The following KCTD1 variants were observed in gnomAD, a reference collection of about 807,000 sequenced individuals.
The protein encoded by KCTD1 is potassium channel tetramerization domain containing 1.
In KCTD1, 24 loss-of-function variants were observed where a neutral mutation model predicts 66.0. That is an observed-to-expected ratio of 0.36 (90% CI 0.26 to 0.51). KCTD1 has a LOEUF of 0.51. Ranked by LOEUF, KCTD1 falls within the 20% of genes least tolerant of loss-of-function variation. KCTD1 has a pLI of 0.95. For missense variants in KCTD1, 943 were observed against 1,205.2 expected, an observed-to-expected ratio of 0.78 and a Z score of 3.22; for synonymous variants, 511 against 517.2, an observed-to-expected ratio of 0.99 and a Z score of 0.16.
At chr18:26,511,691 T>C (rs983501768) in intron 1 of KCTD1, among the ~76,000 whole-genome samples, 13 of 152,258 alleles carry the variant, frequency 8.5e-5, no homozygotes, top group African/African-American at 3.1e-4. Flanking sequence ...TTTACTGTGA[T>C]ATTTTACATG....
chr18:26,568,625 G>C (rs375149954), intron 1 of KCTD1, among the ~76,000 whole-genome samples: 1 of 152,004 alleles, frequency 6.6e-6, no homozygotes, highest in East Asian at 1.9e-4. Flanking sequence ...TATAATCATT[G>C]CATCTAAAAC....
In KCTD1 at chr18:26,459,716, G is replaced by A. The variant is rs552719569; in HGVS notation, c.2343C>T (p.Asp781=). The A allele has an allele frequency of 9.9e-6, 16 of 1,614,070 alleles. No individual in the cohort carries two copies. The highest frequency in any genetic ancestry group is 2.7e-5 in the African/African-American group (2 of 75,020). Residue 781 remains aspartate, a synonymous_variant, in exon 4 of 5, where the codon GAC becomes GAT. Coordinates refer to ENST00000580059, the MANE Select transcript of KCTD1 (RefSeq NM_001142730.3). ...LIEEVFPEIG[D]VMCNSVNAGW... ...CTGCATTGACAGAGTTACACATCAC[G>A]TCGCCGATCTCTGGAAATACTTCTT...
At chr18:26,494,895 A>G (rs1266830077) in intron 2 of KCTD1, among the ~76,000 whole-genome samples, 2 of 152,086 alleles carry the variant, frequency 1.3e-5, no homozygotes, top group African/African-American at 2.4e-5. Context: ...CAGCAGGGAT[A>G]TGCTCTCTTT....
rs867824914 is a variant in KCTD1, at chr18:26,576,964, T to C, written c.-16+52183A>G. On this transcript the variant is annotated intron_variant, in intron 1 of 4. Transcript: ENST00000317932. ...GAAGTAAACACTTTGTAACCATGCC[T>C]AGTTTTAGTACTTTTGGTGGTTATC... Among the ~76,000 whole-genome samples the C allele has an allele frequency of 2.0e-5, 3 of 152,234 alleles. No homozygotes were observed. In the South Asian group the frequency reaches 6.2e-4, roughly 31 times the overall value.
At chr18:26,551,498 C>T (rs1332657571), upstream of KCTD1, among the ~76,000 whole-genome samples, 1 of 152,118 alleles carries the variant, frequency 6.6e-6, no homozygotes, top group Non-Finnish European at 1.5e-5. Context: ...TGCTTCGTTG[C>T]ACCAGCTCCG....
At chr18:26,478,304 T>A (rs1194556365) in intron 2 of KCTD1, among the ~76,000 whole-genome samples, 1 of 152,224 alleles carries the variant, frequency 6.6e-6, no homozygotes, top group Non-Finnish European at 1.5e-5. Context: ...AAAAGATGAT[T>A]AACTTGCCCA....
intron 1 of KCTD1, among the ~76,000 whole-genome samples, chr18:26,560,689 T>A (rs1325241662): frequency 6.6e-6 from 1 of 152,210 alleles, no homozygotes; most frequent in Non-Finnish European, 1.5e-5. Context: ...CTGCAGAAAT[T>A]GTATGCAAAA....
upstream of KCTD1, among the ~76,000 whole-genome samples, chr18:26,550,565 GACACACACACACACAC>G (rs60922405): frequency 6.3e-4 from 88 of 140,578 alleles, no homozygotes; most frequent in African/African-American, 1.9e-3. The surrounding 1 kb of genome is among the most constrained non-coding windows in gnomAD (Gnocchi z 5.4). Flanking sequence ...AAGACACACA[GACACACACACACACAC>G]ACACACACAC....
chr18:26,519,597 GA>G (rs992344598), intron 1 of KCTD1, among the ~76,000 whole-genome samples: 6 of 152,086 alleles, frequency 3.9e-5, no homozygotes, highest in Non-Finnish European at 7.4e-5. Flanking sequence ...TATAAACTAA[GA>G]CTCAAAATAA....
chr18:26,547,126 G>A lies in KCTD1; in HGVS notation c.1411C>T (p.Leu471=), dbSNP rs777535575. The change falls in exon 1 of 5, where the codon CTG becomes TTG. Residue 471 remains leucine (L), a synonymous_variant. Coordinates refer to ENST00000580059, the MANE Select transcript of KCTD1 (RefSeq NM_001142730.3). ...CAGCCCTGCGGGGCGGGCGAGCCCAGCTTGGTGCCAATGCCCGCGATGCTG... is the reference window on the plus strand; with the variant it reads ...CAGCCCTGCGGGGCGGGCGAGCCCAACTTGGTGCCAATGCCCGCGATGCTG... ...LNSIAGIGTK[L]GSPAPQGCYA... The A allele has an allele frequency of 3.9e-6, 6 of 1,550,522 alleles. No individual in the cohort carries two copies. In the South Asian group the frequency reaches 7.1e-5, roughly 18 times the overall value.
chr18:26,600,624 T>C (rs531304501), intron 1 of KCTD1, among the ~76,000 whole-genome samples: 2 of 152,204 alleles, frequency 1.3e-5, no homozygotes, highest in East Asian at 3.9e-4. Context: ...GAAGCCCTTC[T>C]TCTGATGTTA....
chr18:26,618,822 G>A (rs1339019505), intron 1 of KCTD1, among the ~76,000 whole-genome samples: 1 of 152,170 alleles, frequency 6.6e-6, no homozygotes, highest in Non-Finnish European at 1.5e-5. Flanking sequence ...TGTTTCTACC[G>A]ATATTTGGAA....
upstream of KCTD1, among the ~76,000 whole-genome samples, chr18:26,550,979 G>T (rs1985544520): frequency 6.6e-6 from 1 of 152,204 alleles, no homozygotes; most frequent in African/African-American, 2.4e-5. This position sits in a 1 kb window ranked among gnomAD's most constrained non-coding sequence, Gnocchi z 5.4. Context: ...GGGCCGCGCT[G>T]GCTCCGGGCT....
chr18:26,593,348 G>GGAGGAGGAGGAA (rs1435904927), intron 1 of KCTD1, among the ~76,000 whole-genome samples: 1 of 46,152 alleles, frequency 2.2e-5, no homozygotes. Flanking sequence ...AGGAGGAAGA[G>GGAGGAGGAGGAA]GAGGAGGAGG....
intron 1 of KCTD1, among the ~76,000 whole-genome samples, chr18:26,593,747 ACAAGGGGCAGGAGGAGAAGGACAAGGAG>A (rs1448670034): frequency 9.1e-6 from 1 of 109,972 alleles, no homozygotes; most frequent in Non-Finnish European, 1.9e-5. Flanking sequence ...GAGGAGGAAG[ACAAGGGGCAGGAGGAGAAGGACAAGGAG>A]GGAGGAGGAA....
intron 1 of KCTD1, among the ~76,000 whole-genome samples, chr18:26,611,010 GT>G (rs1366280341): frequency 6.6e-6 from 1 of 152,060 alleles, no homozygotes; most frequent in Non-Finnish European, 1.5e-5. Context: ...AGTTTGGAAA[GT>G]TTTTGGTCAT....
At chr18:26,605,482 A>T (rs1986991185) in intron 1 of KCTD1, among the ~76,000 whole-genome samples, 1 of 152,014 alleles carries the variant, frequency 6.6e-6, no homozygotes, top group Non-Finnish European at 1.5e-5. Context: ...AAAATTTTTC[A>T]TTATATCTTT....
intron 1 of KCTD1, among the ~76,000 whole-genome samples, chr18:26,601,279 G>C (rs36157841): frequency 8.0e-6 from 1 of 124,378 alleles, no homozygotes; most frequent in Non-Finnish European, 1.6e-5. Context: ...GTGGATTTAA[G>C]AGACCTGGAT....
intron 4 of KCTD1, chr18:26,458,100 A>G (rs986151698): frequency 3.9e-5 from 6 of 152,318 alleles, no homozygotes; most frequent in African/African-American, 1.4e-4. Flanking sequence ...GTGCAGGGCC[A>G]TGCGGGAGCA....
Sources: allele counts gnomAD v4.1 joint callset (sites outside exome capture counted in the v4.1 genomes callset), GRCh38; gene constraint gnomAD v4.1.1; non-coding constraint Gnocchi (gnomAD v3.1); transcripts MANE v1.5; gene names NCBI Gene and HGNC (gene_info 2026-07-23, HGNC 2026-07-21).